Variants in DENND5B observed in about 807,000 individuals in gnomAD.
DENND5B encodes DENN domain containing 5B.
In DENND5B, 34 loss-of-function variants were observed where a neutral mutation model predicts 140.6. The ratio of observed to expected loss-of-function variants is 0.24; its 90% CI spans 0.18 to 0.32. The LOEUF is 0.32. Among genes scored for constraint, DENND5B ranks in the 10% least tolerant of loss-of-function variants. The pLI is 1.00. For synonymous variants in DENND5B, 551 were observed against 562.1 expected (o/e 0.98, Z 0.28); for missense variants, 1,142 against 1,560.2 (o/e 0.73, Z 4.52).
At position 31,433,248 on chromosome 12, in the gene DENND5B, A is replaced by G. The variant is rs774077858; in HGVS notation, c.2013T>C (p.Asn671=). 6.2e-7 allele frequency: 1 copy of G among 1,607,662 alleles called. No homozygotes were observed. Among genetic ancestry groups the G allele is most frequent in the East Asian group, 2.2e-5 (1 of 44,600 alleles). ...CAGTGGCACTCCGACTTACCCAGCG[A>G]CTGAAACAATCAAATTATTTAAAAA... ...DVLATGPTSN[N]RWVSRSATAQ... Residue 671 remains asparagine, a splice_region_variant and synonymous_variant, in exon 8 of 21, where the codon AAT becomes AAC. Transcript: ENST00000389082.
chr12:31,399,381 C>T (rs1941676865), intron 16 of DENND5B, among the ~76,000 whole-genome samples: 1 of 148,124 alleles, frequency 6.8e-6, no homozygotes, highest in South Asian at 2.1e-4. Flanking sequence ...CGGGTTCAAG[C>T]GATTCTCCTG....
At chr12:31,481,667 G>A (rs2138568293) in intron 2 of DENND5B, among the ~76,000 whole-genome samples, 1 of 152,306 alleles carries the variant, frequency 6.6e-6, no homozygotes, top group African/African-American at 2.4e-5. Flanking sequence ...GTGGGGCAGA[G>A]AATGCAAGGT....
chr12:31,579,763 A>AAGGG (rs1401306407), intron 1 of DENND5B, among the ~76,000 whole-genome samples: 2 of 133,942 alleles, frequency 1.5e-5, no homozygotes, highest in African/African-American at 5.4e-5. Context: ...GAGAGGGAGG[A>AAGGG]AGGGAGGAAG....
intron 1 of DENND5B, among the ~76,000 whole-genome samples, chr12:31,518,458 G>A (rs567112226): frequency 6.6e-6 from 1 of 152,142 alleles, no homozygotes; most frequent in Non-Finnish European, 1.5e-5. Context: ...GTCCACCTCT[G>A]TACCCTTGTG....
chr12:31,477,215 G>A (rs1295504325), intron 3 of DENND5B, among the ~76,000 whole-genome samples: 1 of 146,514 alleles, frequency 6.8e-6, no homozygotes, highest in Non-Finnish European at 1.5e-5. Flanking sequence ...GCAACAGGGC[G>A]AGACTCTGTC....
intron 17 of DENND5B, among the ~76,000 whole-genome samples, chr12:31,394,690 T>C (rs1476874137): frequency 6.6e-6 from 1 of 151,112 alleles, no homozygotes; most frequent in African/African-American, 2.4e-5. Context: ...CTCAGGTCAC[T>C]GCAAGTTCCG....
At chr12:31,411,862 C>A (rs1942478689) in intron 13 of DENND5B, among the ~76,000 whole-genome samples, 1 of 152,192 alleles carries the variant, frequency 6.6e-6, no homozygotes, top group Non-Finnish European at 1.5e-5. Context: ...TGTTTGAGGT[C>A]TTTGTTGAAT....
intron 1 of DENND5B, among the ~76,000 whole-genome samples, chr12:31,583,540 T>A (rs1392448078): frequency 3.3e-5 from 5 of 151,876 alleles, no homozygotes; most frequent in Non-Finnish European, 7.4e-5. Context: ...TAGCCAGGCA[T>A]GGTGGCACGC....
Position 31,387,459 on chromosome 12 carries a change from C to T in DENND5B, c.*144G>A. The T allele has an allele frequency of 1.4e-6, 1 of 739,162 alleles. No homozygotes were observed. 45.8% of individuals were successfully genotyped at this position (739,162 alleles called of 1,614,324 possible). A position where few individuals can be genotyped will look rare whatever the true frequency, so the allele number is the denominator to read the frequency against. On this transcript the variant is annotated 3_prime_UTR_variant, in exon 21 of 21. Coordinates refer to ENST00000389082, the MANE Select transcript of DENND5B (RefSeq NM_144973.4). ...AAATGAACTACAATACAACATTTTG[C>T]CTTGTCTGTAGAGTGAGGATTGTTC...
intron 1 of DENND5B, among the ~76,000 whole-genome samples, chr12:31,520,612 C>T (rs1472937719): frequency 2.0e-5 from 3 of 152,118 alleles, no homozygotes; most frequent in Non-Finnish European, 2.9e-5. Context: ...GTGATCTCAG[C>T]TCACTGCAAC....
chr12:31,452,622 G>A (rs1944585602), intron 4 of DENND5B, 146 bp from the exon 5 acceptor site: 4 of 800,558 alleles, frequency 5.0e-6, no homozygotes, highest in Admixed American at 3.4e-5. Context: ...CCAGGGGTTC[G>A]AGACAAGACT....
At chr12:31,405,520 ATG>A (rs1282063787) in intron 14 of DENND5B, among the ~76,000 whole-genome samples, 56 of 146,420 alleles carry the variant, frequency 3.8e-4, no homozygotes, top group African/African-American at 1.4e-3. Flanking sequence ...CCATGTATGT[ATG>A]TATGTATGTA....
At chr12:31,510,506 C>T (rs528609152) in intron 1 of DENND5B, among the ~76,000 whole-genome samples, 4 of 152,224 alleles carry the variant, frequency 2.6e-5, no homozygotes, top group Admixed American at 6.5e-5. Context: ...AAGCACACTG[C>T]GGTTATTGCT....
At chr12:31,543,567 C>G (rs1421347488) in intron 1 of DENND5B, among the ~76,000 whole-genome samples, 1 of 152,094 alleles carries the variant, frequency 6.6e-6, no homozygotes, top group South Asian at 2.1e-4. Context: ...AAAGGTTAGT[C>G]CTATTAGAAA....
intron 7 of DENND5B, among the ~76,000 whole-genome samples, chr12:31,433,785 A>G (rs571282371): frequency 1.1e-4 from 17 of 152,144 alleles, no homozygotes; most frequent in Admixed American, 2.6e-4. Context: ...TAATCCTAGC[A>G]CTTTGGCCGG....
intron 1 of DENND5B, among the ~76,000 whole-genome samples, chr12:31,576,587 C>T (rs1950026508): frequency 6.6e-6 from 1 of 151,900 alleles, no homozygotes; most frequent in Non-Finnish European, 1.5e-5. Context: ...CAGACATTTC[C>T]AAGAGTTTTT....
At chr12:31,473,174 G>A (rs546121921) in intron 3 of DENND5B, among the ~76,000 whole-genome samples, 1 of 152,342 alleles carries the variant, frequency 6.6e-6, no homozygotes, top group Non-Finnish European at 1.5e-5. Context: ...CTGGGCTCAA[G>A]TGATCCTCCT....
chr12:31,387,915 C>T lies in DENND5B; in HGVS notation c.3642-129G>A, dbSNP rs143850669. 7.5e-4 allele frequency: 677 copies of T among 907,024 alleles called. 1 individual carries two copies. The African/African-American group carries it at 0.011, about 14-fold the overall frequency. The allele number at this position is 907,024 out of a possible 1,614,324, so 56.2% of individuals were successfully genotyped here. A position where few individuals can be genotyped will look rare whatever the true frequency, so the allele number is the denominator to read the frequency against. On this transcript the variant is annotated intron_variant, in intron 20 of 20. Transcript: ENST00000389082. ...ACAAAATGTATCCAAGCTAAGAGGT[C>T]AGGAGAGAGGAAATCAAAGCCAAGA...
At chr12:31,580,918 C>G (rs1029419965) in intron 1 of DENND5B, among the ~76,000 whole-genome samples, 12 of 152,056 alleles carry the variant, frequency 7.9e-5, no homozygotes, top group African/African-American at 2.9e-4. Context: ...CCACCCTGGG[C>G]AACACAGACC....
Sources: gnomAD v4.1 joint callset for allele counts (sites outside exome capture counted in the v4.1 genomes callset) on GRCh38, gnomAD v4.1.1 for gene constraint, MANE v1.5 for transcripts, NCBI Gene and HGNC (gene_info 2026-07-23, HGNC 2026-07-21) for gene names.